Variants in RASSF6 observed in about 807,000 individuals in gnomAD.
RASSF6 encodes the protein Ras association domain family member 6.
A neutral mutation model predicts 44.0 loss-of-function variants in RASSF6; 52 were observed. That is an observed-to-expected ratio of 1.18 (90% CI 0.95 to 1.49). The LOEUF is 1.49. RASSF6 is among the 40% of genes most tolerant of loss of function. The probability of loss-of-function intolerance (pLI) is 0.00; values close to 1 mark genes in which losing one functional copy is unlikely to be tolerated. For missense variants in RASSF6, 464 were observed against 393.3 expected, an observed-to-expected ratio of 1.18 and a Z score of -1.52; for synonymous variants, 162 against 124.6, an observed-to-expected ratio of 1.30 and a Z score of -2.00.
Position 73,585,293 on chromosome 4 carries a change from T to C in RASSF6, c.454A>G (p.Arg152Gly). The C allele has an allele frequency of 6.2e-7, 1 of 1,612,772 alleles. No individual in the cohort carries two copies. Among genetic ancestry groups the C allele is most frequent in the Non-Finnish European group, 8.5e-7 (1 of 1,179,108 alleles). ...ACCAGAGCTGCTTCACTCATGGTTC[T>C]ATAGAGCACTGGGGAGTCTGGTTCA... ...KDEPDSPVLY[R>G]TMSEAALVRK... Residue 152 changes from arginine to glycine, a missense_variant, in exon 6 of 11, where the codon AGA becomes GGA. Coordinates refer to ENST00000307439, the MANE Select transcript of RASSF6 (RefSeq NM_177532.5).
intron 1 of RASSF6, among the ~76,000 whole-genome samples, chr4:73,613,633 A>T (rs1726168805): frequency 6.6e-6 from 1 of 152,096 alleles, no homozygotes; most frequent in Non-Finnish European, 1.5e-5. Context: ...CCAAGAGCCT[A>T]TACCTTGCCA....
chr4:73,578,046 TC>T (rs1461963776), intron 8 of RASSF6, among the ~76,000 whole-genome samples: 1 of 4,278 alleles, frequency 2.3e-4, no homozygotes, highest in Non-Finnish European at 6.5e-4. Flanking sequence ...GTTATTATTA[TC>T]TGCAGTTATG....
chr4:73,610,390 C>T (rs1725923540), intron 2 of RASSF6, among the ~76,000 whole-genome samples: 1 of 152,172 alleles, frequency 6.6e-6, no homozygotes, highest in African/African-American at 2.4e-5. Flanking sequence ...CTGTTCTTAA[C>T]ACAGCAGCTA....
intron 1 of RASSF6, among the ~76,000 whole-genome samples, chr4:73,618,301 T>TTTATC (rs1252544878): frequency 6.7e-6 from 1 of 150,216 alleles, no homozygotes; most frequent in South Asian, 2.1e-4. Flanking sequence ...TATAAAGTTG[T>TTTATC]TATCTATCTA....
chr4:73,613,513 T>C (rs1375249784), intron 1 of RASSF6, among the ~76,000 whole-genome samples: 1 of 152,064 alleles, frequency 6.6e-6, no homozygotes, highest in Non-Finnish European at 1.5e-5. Context: ...CCGACTGAAA[T>C]CCCCCAGTGA....
At chr4:73,617,615 C>G (rs1726446267) in intron 1 of RASSF6, among the ~76,000 whole-genome samples, 1 of 152,188 alleles carries the variant, frequency 6.6e-6, no homozygotes, top group Admixed American at 6.5e-5. Flanking sequence ...TTACTAGGCT[C>G]TAGGTGATGA....
chr4:73,603,503 G>C (rs947599373), intron 2 of RASSF6, among the ~76,000 whole-genome samples: 2 of 151,916 alleles, frequency 1.3e-5, no homozygotes, highest in Non-Finnish European at 2.9e-5. Context: ...GGGATGCTGA[G>C]GGGATCCCAG....
At chr4:73,594,260 A>G (rs894219630) in intron 3 of RASSF6, among the ~76,000 whole-genome samples, 5 of 152,250 alleles carry the variant, frequency 3.3e-5, no homozygotes, top group Non-Finnish European at 7.3e-5. Flanking sequence ...ATGTTAAAGT[A>G]ATGTTTTCTG....
At position 73,601,689 on chromosome 4, in the gene RASSF6, C is replaced by T. The variant is rs148175938; in HGVS notation, c.66-2971G>A. Reference sequence around the variant, plus strand: ...ATGTTGTCCAAACATTTCTTTTAATCGTGTGTACACCTTACCAGAGAAACT... The same window carrying T: ...ATGTTGTCCAAACATTTCTTTTAATTGTGTGTACACCTTACCAGAGAAACT... On this transcript the variant is annotated intron_variant, in intron 2 of 10. Transcript: ENST00000307439. Among the ~76,000 whole-genome samples, 1,094 of 152,326 alleles carry T rather than the reference C, an allele frequency of 7.2e-3. 5 individuals carry two copies. The highest frequency in any genetic ancestry group is 0.031 in the Middle Eastern group (9 of 294).
chr4:73,602,527 C>A (rs1047703011), intron 2 of RASSF6, among the ~76,000 whole-genome samples: 23 of 152,144 alleles, frequency 1.5e-4, no homozygotes, highest in African/African-American at 4.1e-4. Context: ...ATAAGAGGAG[C>A]CCTGATTTAA....
chr4:73,578,238 G>A (rs1434753381), intron 8 of RASSF6, among the ~76,000 whole-genome samples: 2 of 152,178 alleles, frequency 1.3e-5, no homozygotes, highest in Non-Finnish European at 2.9e-5. Context: ...AGGAAACTAA[G>A]CCATATTTCT....
chr4:73,607,619 C>G (rs1197035145), intron 2 of RASSF6, among the ~76,000 whole-genome samples: 8 of 152,114 alleles, frequency 5.3e-5, no homozygotes, highest in Admixed American at 2.6e-4. Flanking sequence ...AGTGTGATCC[C>G]CAGACCAGCA....
rs78856760 is a variant in RASSF6, at chr4:73,612,100, T to G, written c.-34-271A>C. 7.3e-3 allele frequency among the ~76,000 whole-genome samples: 1,105 copies of G among 152,294 alleles called. 16 individuals carry two copies. The highest frequency in any genetic ancestry group is 0.025 in the African/African-American group (1,029 of 41,566). ...GCAAAATAAATATGACTCTATTGAT[T>G]TATATAATTCTGTATAAGGGAGCAT... On this transcript the variant is annotated intron_variant, in intron 1 of 10. Coordinates refer to ENST00000307439, the MANE Select transcript of RASSF6 (RefSeq NM_177532.5).
rs56131719 is a variant in RASSF6 at position 73,612,483 on chromosome 4, T to TCTTTTC, written c.-34-655_-34-654insGAAAAG. On this transcript the variant is annotated intron_variant, in intron 1 of 10. Transcript: ENST00000307439. ...TGGATGAGAGAGTTCAGTTTTCTTT[T>TCTTTTC]TTTTTTTTTTTTAAAAAAAAAAACG... Among the ~76,000 whole-genome samples, 225 of 25,694 alleles carry TCTTTTC rather than the reference T, an allele frequency of 8.8e-3. 1 individual carries two copies. The highest frequency in any genetic ancestry group is 0.033 in the Admixed American group (37 of 1,124). 16.9% of individuals were successfully genotyped at this position (25,694 alleles called of 152,430 possible). A position where few individuals can be genotyped will look rare whatever the true frequency, so the allele number is the denominator to read the frequency against.
chr4:73,598,649 TA>T lies in RASSF6; in HGVS notation c.134del (p.Leu45TyrfsTer10). ...TCTTCAGTGGGCTTACCTCTCCATATAAAATATGCAGATTTTTCTGGTTCTC... is the reference window on the plus strand; with the variant it reads ...TCTTCAGTGGGCTTACCTCTCCATATAAATATGCAGATTTTTCTGGTTCTC... Reference protein sequence around the residue: ...FYENQKNLHILYGETEDGKLI... With the variant: ...FYENQKNLHIXYGETEDGKLI... On this transcript the variant is annotated frameshift_variant, in exon 3 of 11. Transcript: ENST00000307439. LOFTEE classifies it high-confidence loss of function. 1.3e-6 allele frequency: 2 copies of T among 1,528,862 alleles called. No homozygotes were observed. Among genetic ancestry groups the T allele is most frequent in the Admixed American group, 1.9e-5 (1 of 53,502 alleles). The allele number at this position is 1,528,862 out of a possible 1,614,324, so 94.7% of individuals were successfully genotyped here.
intron 1 of RASSF6, 64 bp from the exon 2 acceptor site, chr4:73,611,893 T>A: frequency 8.6e-7 from 1 of 1,157,686 alleles, no homozygotes; most frequent in Non-Finnish European, 1.3e-6. Flanking sequence ...GTTTCTGATT[T>A]AAGTTGAGTG....
At chr4:73,612,030 G>A (rs1726050963) in intron 1 of RASSF6, among the ~76,000 whole-genome samples, 2 of 152,062 alleles carry the variant, frequency 1.3e-5, no homozygotes, top group South Asian at 4.1e-4. Context: ...CTCCAGACAC[G>A]GATGGATTGA....
chr4:73,615,467 T>C (rs534371121), intron 1 of RASSF6, among the ~76,000 whole-genome samples: 1 of 152,232 alleles, frequency 6.6e-6, no homozygotes, highest in South Asian at 2.1e-4. Flanking sequence ...AAAATTACAG[T>C]TCTAGAAGCC....
At chr4:73,611,524 C>T (rs1726011647) in intron 2 of RASSF6, among the ~76,000 whole-genome samples, 1 of 152,006 alleles carries the variant, frequency 6.6e-6, no homozygotes, top group Non-Finnish European at 1.5e-5. Context: ...AGTAAAACCA[C>T]TGTTAAACAA....
Sources: allele counts gnomAD v4.1 joint callset (sites outside exome capture counted in the v4.1 genomes callset), GRCh38; gene constraint gnomAD v4.1.1; transcripts MANE v1.5; gene names NCBI Gene and HGNC (gene_info 2026-07-23, HGNC 2026-07-21).